EGFR: variants seen among roughly 807,000 people sequenced by gnomAD.
EGFR encodes epidermal growth factor receptor.
A neutral mutation model predicts 143.0 loss-of-function variants in EGFR; 58 were observed. That is an observed-to-expected ratio of 0.41 (90% CI 0.33 to 0.50). The LOEUF (loss-of-function observed/expected upper bound fraction) is 0.50, where lower values mean the gene tolerates loss of function less well. EGFR is among the 20% of genes least tolerant of loss of function. The pLI is 0.39. For synonymous variants in EGFR, 613 were observed against 594.4 expected (o/e 1.03, Z -0.45); for missense variants, 1,307 against 1,579.0 (o/e 0.83, Z 2.92).
rs185454029 is a variant in EGFR at position 55,060,508 on chromosome 7, C to T, written c.88+41143C>T. ...AACAAACATCTTAAGTTGATTTTTT[C>T]CTAGCATCTTTTCCTTCCATCTTTG... is the stretch of plus-strand genomic sequence containing the variant. On this transcript the variant is annotated intron_variant, in intron 1 of 27. Coordinates refer to ENST00000275493, the MANE Select transcript of EGFR (RefSeq NM_005228.5). Among the ~76,000 whole-genome samples, 38 of 152,222 alleles carry T rather than the reference C, an allele frequency of 2.5e-4. 1 individual carries two copies. Among genetic ancestry groups the T allele is most frequent in the Admixed American group, 2.5e-3 (38 of 15,296 alleles).
chr7:55,187,298 G>GGTGCTATCTAAGTCA (rs1787181429), intron 20 of EGFR, among the ~76,000 whole-genome samples: 1 of 69,444 alleles, frequency 1.4e-5, no homozygotes, highest in Non-Finnish European at 3.4e-5. Flanking sequence ...ACTCTCCATG[G>GGTGCTATCTAAGTCA]GTGCTATCTC....
At position 55,036,348 on chromosome 7, in the gene EGFR, C is replaced by T. The variant is rs1418818919; in HGVS notation, c.88+16983C>T. Reference sequence around the variant, plus strand: ...ATTGTCCTGTATTTGGTCTGTTCTGCCTTCTTTATTTTCAGGATAGGTGTC... The same window carrying T: ...ATTGTCCTGTATTTGGTCTGTTCTGTCTTCTTTATTTTCAGGATAGGTGTC... On this transcript the variant is annotated intron_variant, in intron 1 of 27. Coordinates refer to ENST00000275493, the MANE Select transcript of EGFR (RefSeq NM_005228.5). 2.0e-5 allele frequency among the ~76,000 whole-genome samples: 3 copies of T among 147,886 alleles called. No homozygotes were observed. The East Asian group carries it at 6.0e-4, about 29-fold the overall frequency.
chr7:55,099,767 G>A (rs1791692624), intron 1 of EGFR, among the ~76,000 whole-genome samples: 1 of 151,906 alleles, frequency 6.6e-6, no homozygotes, highest in Non-Finnish European at 1.5e-5. Flanking sequence ...GAATCACAAT[G>A]TGGATTTCAC....
chr7:55,077,359 TCTTC>T (rs1471081093), intron 1 of EGFR, among the ~76,000 whole-genome samples: 1 of 152,248 alleles, frequency 6.6e-6, no homozygotes, highest in Non-Finnish European at 1.5e-5. Flanking sequence ...TGTGAAATTA[TCTTC>T]CTGTGTGGCT....
intron 3 of EGFR, among the ~76,000 whole-genome samples, chr7:55,146,097 A>C (rs1039416079): frequency 6.6e-6 from 1 of 152,004 alleles, no homozygotes; most frequent in African/African-American, 2.4e-5. Flanking sequence ...TCTGTCATAC[A>C]TTCAGATTCT....
At chr7:55,187,379 GT>G (rs1787186597) in intron 20 of EGFR, among the ~76,000 whole-genome samples, 10 of 152,150 alleles carry the variant, frequency 6.6e-5, no homozygotes, top group Admixed American at 6.5e-4. Context: ...CGGTGTTTAC[GT>G]CACTTGCCAA....
intron 1 of EGFR, among the ~76,000 whole-genome samples, chr7:55,089,310 T>C (rs1790961432): frequency 6.6e-6 from 1 of 152,234 alleles, no homozygotes; most frequent in Non-Finnish European, 1.5e-5. Context: ...CACTGGGCAC[T>C]GTTCATACGT....
chr7:55,068,795 T>A (rs1355144373), intron 1 of EGFR, among the ~76,000 whole-genome samples: 1 of 152,160 alleles, frequency 6.6e-6, no homozygotes, highest in East Asian at 1.9e-4. Context: ...GAATGCATGG[T>A]TAGTAGGTTA....
intron 1 of EGFR, among the ~76,000 whole-genome samples, chr7:55,112,265 G>A: frequency 6.6e-6 from 1 of 152,228 alleles, no homozygotes; most frequent in East Asian, 1.9e-4. Context: ...TTTGATGAGT[G>A]CTGTGGCTCA....
chr7:55,181,698 C>T (rs935585438), intron 20 of EGFR: 3 of 616,828 alleles, frequency 4.9e-6, no homozygotes, highest in Non-Finnish European at 8.6e-6. Context: ...AATCAGCTAC[C>T]TTTGAAGAAT....
Position 55,211,588 on chromosome 7 carries a change from T to A in EGFR, c.*5971T>A, listed in dbSNP as rs1788236985. The A allele has an allele frequency of 1.4e-5, 2 of 147,804 alleles. No individual in the cohort carries two copies. The highest frequency in any genetic ancestry group is 1.3e-4 in the Admixed American group (2 of 15,094). The allele number at this position is 147,804 out of a possible 1,614,324, so 9.2% of individuals were successfully genotyped here. On this transcript the variant is annotated 3_prime_UTR_variant, in exon 28 of 28. Coordinates refer to ENST00000275493, the MANE Select transcript of EGFR (RefSeq NM_005228.5). ...TATATTATTCATTGTTCTTTACTCC[T>A]GAGTACCTTATAATAATAATAATGT...
intron 1 of EGFR, among the ~76,000 whole-genome samples, chr7:55,022,051 C>A (rs150963272): frequency 1.3e-5 from 2 of 152,174 alleles, no homozygotes; most frequent in East Asian, 1.9e-4. Context: ...CGGCTCATGA[C>A]GATGAGCCTG....
In EGFR at chr7:55,019,287, T is replaced by C. The variant is rs2128853297; in HGVS notation, c.10T>C (p.Ser4Pro). 1.3e-6 allele frequency: 2 copies of C among 1,506,108 alleles called. No individual in the cohort carries two copies. Among genetic ancestry groups the C allele is most frequent in the Admixed American group, 2.0e-5 (1 of 50,900 alleles). The allele number at this position is 1,506,108 out of a possible 1,614,324, so 93.3% of individuals were successfully genotyped here. A position where few individuals can be genotyped will look rare whatever the true frequency, so the allele number is the denominator to read the frequency against. Residue 4 changes from serine (S) to proline (P), a missense_variant, in exon 1 of 28, where the codon TCC becomes CCC. Physicochemically the swap from Ser to Pro is moderately conservative, Grantham distance 74 (BLOSUM62 -1). Transcript: ENST00000275493. The part of the protein sequence containing the change: MRP[S>P]GTAGAALLAL... ...TCTTCGGGGAGCAGCGATGCGACCC[T>C]CCGGGACGGCCGGGGCAGCGCTCCT...
At chr7:55,154,193 C>T (rs746599264) in intron 7 of EGFR, 41 bp downstream of exon 7, 6 of 1,613,922 alleles carry the variant, frequency 3.7e-6, no homozygotes, top group South Asian at 1.1e-5. Context: ...GTCAGGCATC[C>T]TTGTCCCGCT....
At chr7:55,169,722 C>T (rs1190155978) in intron 15 of EGFR, among the ~76,000 whole-genome samples, 1 of 152,170 alleles carries the variant, frequency 6.6e-6, no homozygotes, top group Non-Finnish European at 1.5e-5. Context: ...TTCTGACGCT[C>T]TCACATCCTT....
rs1426364365 is a variant in EGFR, at chr7:55,173,041, G to A, written c.1978G>A (p.Val660Met). The change falls in exon 17 of 28, where the codon GTG becomes ATG. Residue 660 changes from valine (V) to methionine (M), a missense_variant. Around this residue, in one of 7 missense-constraint regions of EGFR, gnomAD observed 348 missense variants for 451.5 expected, o/e 0.77. Transcript: ENST00000275493. ...GGGGGCCCTCCTCTTGCTGCTGGTG[G>A]TGGCCCTGGGGATCGGCCTCTTCAT... The part of the protein sequence containing the change: ...MVGALLLLLV[V>M]ALGIGLFMRR... The A allele has an allele frequency of 1.3e-5, 21 of 1,613,896 alleles. No individual in the cohort carries two copies. The highest frequency in any genetic ancestry group is 1.6e-5 in the Non-Finnish European group (19 of 1,180,038).
intron 7 of EGFR, among the ~76,000 whole-genome samples, chr7:55,154,435 C>T (rs779102508): frequency 4.6e-5 from 7 of 152,360 alleles, no homozygotes; most frequent in Non-Finnish European, 8.8e-5. Flanking sequence ...ACCTGCTGCT[C>T]AGCCCTCACC....
intron 1 of EGFR, among the ~76,000 whole-genome samples, chr7:55,058,970 G>A (rs1475009639): frequency 6.6e-6 from 1 of 152,226 alleles, no homozygotes; most frequent in East Asian, 1.9e-4. Context: ...CTCAGAGATG[G>A]TAAGGCTGAA....
intron 23 of EGFR, among the ~76,000 whole-genome samples, chr7:55,199,458 A>T (rs1787755723): frequency 6.6e-6 from 1 of 152,252 alleles, no homozygotes; most frequent in Non-Finnish European, 1.5e-5. Context: ...AGGGAATATG[A>T]CAGAGCCAAG....
Sources: allele counts gnomAD v4.1 joint callset (sites outside exome capture counted in the v4.1 genomes callset), GRCh38; gene constraint gnomAD v4.1.1; regional missense constraint gnomAD v4.1.1; transcripts MANE v1.5; gene names NCBI Gene and HGNC (gene_info 2026-07-23, HGNC 2026-07-21).